Variants in TENM2 observed in about 807,000 individuals in gnomAD.
TENM2 encodes teneurin transmembrane protein 2.
In TENM2, 52 loss-of-function variants were observed where a neutral mutation model predicts 245.2. The ratio of observed to expected loss-of-function variants is 0.21; its 90% CI spans 0.17 to 0.27. The LOEUF (loss-of-function observed/expected upper bound fraction) is 0.27, where lower values mean the gene tolerates loss of function less well. TENM2 is among the 10% of genes least tolerant of loss of function. TENM2 has a pLI of 1.00. For synonymous variants in TENM2, 1,363 were observed against 1,438.9 expected (o/e 0.95, Z 1.19); for missense variants, 3,046 against 3,666.8 (o/e 0.83, Z 4.37).
At chr5:167,607,542 G>C (rs1434937287) in intron 2 of TENM2, among the ~76,000 whole-genome samples, 1 of 152,072 alleles carries the variant, frequency 6.6e-6, no homozygotes, top group South Asian at 2.1e-4. Flanking sequence ...CCATTACTTC[G>C]GGCCTTATAC....
At chr5:168,091,673 G>A (rs550525147) in intron 8 of TENM2, among the ~76,000 whole-genome samples, 2 of 152,266 alleles carry the variant, frequency 1.3e-5, no homozygotes, top group African/African-American at 4.8e-5. Flanking sequence ...TGAATCTCTC[G>A]AAGACCCAGG....
chr5:168,233,849 G>C (rs1313072601), intron 25 of TENM2, among the ~76,000 whole-genome samples: 1 of 152,170 alleles, frequency 6.6e-6, no homozygotes, highest in Non-Finnish European at 1.5e-5. Flanking sequence ...TGAGGAAGAA[G>C]CAAAAGCGGA....
intron 1 of TENM2, among the ~76,000 whole-genome samples, chr5:167,299,818 G>C (rs1324101263): frequency 1.3e-5 from 2 of 152,124 alleles, no homozygotes; most frequent in Admixed American, 6.5e-5. Context: ...ATTGAAGTCC[G>C]GGCCAGGAAC....
intron 2 of TENM2, among the ~76,000 whole-genome samples, chr5:167,589,661 A>T (rs1021036143): frequency 3.3e-5 from 5 of 151,980 alleles, no homozygotes; most frequent in Admixed American, 3.3e-4. Flanking sequence ...ATCCCATCCA[A>T]GTTTGTTTGT....
At chr5:167,211,178 T>C in the TENM2 span, among the ~76,000 whole-genome samples, 1 of 152,208 alleles carries the variant, frequency 6.6e-6, no homozygotes, top group Admixed American at 6.5e-5. Context: ...CTGCTTTTAT[T>C]AAACCAATTT....
the TENM2 span, among the ~76,000 whole-genome samples, chr5:167,245,661 A>C: frequency 6.6e-6 from 1 of 152,206 alleles, no homozygotes; most frequent in Non-Finnish European, 1.5e-5. Flanking sequence ...GGAACATCAA[A>C]CAATGGAAAT....
chr5:168,141,616 A>G (rs1236731110), intron 12 of TENM2, among the ~76,000 whole-genome samples: 1 of 152,238 alleles, frequency 6.6e-6, no homozygotes, highest in Non-Finnish European at 1.5e-5. Context: ...AGCATCCAGA[A>G]TCAAGAATGA....
At chr5:167,804,404 G>T (rs1274964661) in intron 2 of TENM2, among the ~76,000 whole-genome samples, 2 of 151,996 alleles carry the variant, frequency 1.3e-5, no homozygotes, top group Non-Finnish European at 2.9e-5. Context: ...AGCATGTTGT[G>T]GGTGGTAGAG....
chr5:167,066,060 G>T, the TENM2 span, among the ~76,000 whole-genome samples: 14 of 152,136 alleles, frequency 9.2e-5, no homozygotes, highest in African/African-American at 3.4e-4. Context: ...CTCTCCCTGG[G>T]TGGTGTGAGT....
chr5:168,165,238 C>T (rs1758109764), intron 13 of TENM2: 1 of 152,168 alleles, frequency 6.6e-6, no homozygotes, highest in Admixed American at 6.5e-5. Context: ...TAAGGCATAA[C>T]TACATAATGC....
chr5:167,072,953 A>G, the TENM2 span, among the ~76,000 whole-genome samples: 7 of 152,228 alleles, frequency 4.6e-5, no homozygotes, highest in Non-Finnish European at 8.8e-5. Flanking sequence ...TATAAACTGC[A>G]TCATCGTTGA....
intron 19 of TENM2, among the ~76,000 whole-genome samples, chr5:168,210,238 G>A (rs546854056): frequency 5.3e-5 from 8 of 152,084 alleles, no homozygotes; most frequent in South Asian, 4.2e-4. Flanking sequence ...GCTCATATTC[G>A]TATGATCATT....
the TENM2 span, among the ~76,000 whole-genome samples, chr5:167,017,011 A>C: frequency 6.6e-6 from 1 of 152,276 alleles, no homozygotes; most frequent in Admixed American, 6.5e-5. Flanking sequence ...GAGGGAAGGG[A>C]ATTACTATAA....
chr5:167,515,680 T>TACACATATA (rs1283561249), intron 2 of TENM2, among the ~76,000 whole-genome samples: 14 of 55,770 alleles, frequency 2.5e-4, no homozygotes, highest in South Asian at 1.1e-3. Flanking sequence ...TGTATATATA[T>TACACATATA]TTTGAGAGGG....
chr5:168,054,036 T>A (rs1789331542), intron 6 of TENM2, among the ~76,000 whole-genome samples: 1 of 152,226 alleles, frequency 6.6e-6, no homozygotes, highest in Admixed American at 6.5e-5. Flanking sequence ...CTAAACTAAA[T>A]ATTAATGCAG....
At chr5:167,119,090 T>C in the TENM2 span, among the ~76,000 whole-genome samples, 1 of 152,206 alleles carries the variant, frequency 6.6e-6, no homozygotes, top group East Asian at 1.9e-4. Flanking sequence ...CCTGGACAAG[T>C]TACTTGGTCC....
intron 2 of TENM2, among the ~76,000 whole-genome samples, chr5:167,431,453 G>C (rs1045967852): frequency 1.1e-4 from 16 of 152,068 alleles, no homozygotes; most frequent in Non-Finnish European, 5.9e-5. Context: ...TTGATAGAAA[G>C]TGAAGAAAAT....
At position 167,554,148 on chromosome 5, in the gene TENM2, C is replaced by T. The variant is rs1030500802; in HGVS notation, c.502+178675C>T. ...CATTTTCTCACTTATTTTGCAGTAC[C>T]GCCCTCCAATTTTATGGACAACAAA... On this transcript the variant is annotated intron_variant, in intron 2 of 28. Coordinates refer to ENST00000518659, the Ensembl canonical transcript of TENM2. Among the ~76,000 whole-genome samples the T allele has an allele frequency of 2.6e-5, 4 of 152,270 alleles. No individual in the cohort carries two copies. In the East Asian group the frequency reaches 7.7e-4, roughly 29 times the overall value.
the TENM2 span, among the ~76,000 whole-genome samples, chr5:167,083,747 G>A: frequency 6.6e-6 from 1 of 152,134 alleles, no homozygotes; most frequent in African/African-American, 2.4e-5. Context: ...TTCCTTGAAG[G>A]AACAAATCAG....
Sources: allele counts gnomAD v4.1 joint callset (sites outside exome capture counted in the v4.1 genomes callset), GRCh38; gene constraint gnomAD v4.1.1; transcripts MANE v1.5; gene names NCBI Gene and HGNC (gene_info 2026-07-23, HGNC 2026-07-21).